Variants in TBC1D22A observed in about 807,000 individuals in gnomAD.
TBC1D22A encodes the protein TBC1 domain family member 22A, also known as putative GTPase activator.
TBC1D22A carries 38 observed loss-of-function variants against 60.2 expected under a neutral mutation model. The observed-to-expected ratio is 0.63, with a 90% CI of 0.49 to 0.83. The LOEUF is 0.83. Ranked by LOEUF, TBC1D22A falls within the 40% of genes least tolerant of loss-of-function variation. The pLI, the probability that TBC1D22A is intolerant of heterozygous loss-of-function variation, is 0.00. For missense variants in TBC1D22A, 628 were observed against 701.0 expected (o/e 0.90, Z 1.18); for synonymous variants, 302 against 281.7 (o/e 1.07, Z -0.72).
At chr22:46,835,810 AC>A (rs1306518520) in intron 4 of TBC1D22A, among the ~76,000 whole-genome samples, 6 of 152,232 alleles carry the variant, frequency 3.9e-5, no homozygotes, top group African/African-American at 1.4e-4. Flanking sequence ...AAAGTCAAAG[AC>A]AAACAGAATT....
At chr22:46,935,673 G>T (rs903301050) in intron 8 of TBC1D22A, among the ~76,000 whole-genome samples, 3 of 152,332 alleles carry the variant, frequency 2.0e-5, no homozygotes, top group African/African-American at 4.8e-5. Flanking sequence ...TGGGCCGTCT[G>T]TGGGCTGGAA....
At chr22:46,961,816 A>T (rs1434658863) in intron 8 of TBC1D22A, among the ~76,000 whole-genome samples, 1 of 152,196 alleles carries the variant, frequency 6.6e-6, no homozygotes, top group Admixed American at 6.5e-5. Flanking sequence ...GGCACAATTG[A>T]TGGCGTCACC....
intron 3 of TBC1D22A, among the ~76,000 whole-genome samples, chr22:46,794,850 G>A (rs1459693994): frequency 6.6e-6 from 1 of 152,178 alleles, no homozygotes; most frequent in African/African-American, 2.4e-5. Flanking sequence ...CAGCTGGATT[G>A]GCCACTGGCC....
intron 4 of TBC1D22A, among the ~76,000 whole-genome samples, chr22:46,824,543 A>G (rs745763827): frequency 6.6e-6 from 1 of 152,182 alleles, no homozygotes; most frequent in Non-Finnish European, 1.5e-5. Context: ...GAAGGAGGTC[A>G]CATTCCATGC....
chr22:47,080,723 C>G (rs967971568), intron 11 of TBC1D22A, among the ~76,000 whole-genome samples: 1 of 151,380 alleles, frequency 6.6e-6, no homozygotes, highest in Admixed American at 6.6e-5. Context: ...AAATTAAACC[C>G]AAAGGAAGTA....
At chr22:46,942,962 G>A (rs112845193) in intron 8 of TBC1D22A, among the ~76,000 whole-genome samples, 2 of 152,164 alleles carry the variant, frequency 1.3e-5, no homozygotes, top group East Asian at 3.9e-4. Context: ...GCTTGCACAC[G>A]GAGGTGCGTC....
At chr22:47,032,917 A>G (rs1445484115) in intron 10 of TBC1D22A, among the ~76,000 whole-genome samples, 1 of 152,192 alleles carries the variant, frequency 6.6e-6, no homozygotes, top group Non-Finnish European at 1.5e-5. Context: ...CTGCCGTCCC[A>G]GGCTGCCCTG....
intron 11 of TBC1D22A, among the ~76,000 whole-genome samples, chr22:47,098,413 C>T (rs1355537237): frequency 6.6e-6 from 1 of 152,200 alleles, no homozygotes; most frequent in Non-Finnish European, 1.5e-5. Flanking sequence ...TTCTGACACC[C>T]TGATGCTGCC....
At chr22:47,089,536 G>A (rs1363510493) in intron 11 of TBC1D22A, among the ~76,000 whole-genome samples, 2 of 152,208 alleles carry the variant, frequency 1.3e-5, no homozygotes, top group African/African-American at 4.8e-5. Context: ...AGACATGTGC[G>A]CACAAAGGCG....
At chr22:46,818,830 T>A (rs2085708515) in intron 4 of TBC1D22A, among the ~76,000 whole-genome samples, 1 of 152,222 alleles carries the variant, frequency 6.6e-6, no homozygotes, top group African/African-American at 2.4e-5. Context: ...TTGGGCAGTA[T>A]GGCCATTTTT....
intron 12 of TBC1D22A, among the ~76,000 whole-genome samples, chr22:47,147,206 A>G (rs989681917): frequency 3.9e-5 from 6 of 152,212 alleles, no homozygotes; most frequent in Admixed American, 6.5e-5. Context: ...CGCCACCTGC[A>G]GAGGGCTAAG....
chr22:47,151,556 C>T (rs1166584764), intron 12 of TBC1D22A, among the ~76,000 whole-genome samples: 1 of 152,214 alleles, frequency 6.6e-6, no homozygotes, highest in Non-Finnish European at 1.5e-5. Flanking sequence ...GGGAGAGGCT[C>T]TGGTACCTGG....
intron 9 of TBC1D22A, among the ~76,000 whole-genome samples, chr22:46,984,372 A>AT (rs2074636447): frequency 1.2e-5 from 1 of 84,732 alleles, no homozygotes; most frequent in East Asian, 2.6e-4. Flanking sequence ...ATCTCAAAAA[A>AT]AAAAAAAAAA....
At chr22:47,168,243 TCGG>T (rs2068281203) in intron 12 of TBC1D22A, among the ~76,000 whole-genome samples, 2 of 143,788 alleles carry the variant, frequency 1.4e-5, no homozygotes, top group African/African-American at 5.3e-5. Flanking sequence ...TGCTGTGGGC[TCGG>T]TTTTGGGGAT....
intron 12 of TBC1D22A, among the ~76,000 whole-genome samples, chr22:47,142,250 TCACCCACC>T (rs946361415): frequency 2.0e-5 from 2 of 99,058 alleles, no homozygotes; most frequent in Non-Finnish European, 4.1e-5. Context: ...ATCCATCCAT[TCACCCACC>T]CACCCACCCA....
intron 11 of TBC1D22A, among the ~76,000 whole-genome samples, chr22:47,062,496 C>G (rs558132605): frequency 6.6e-6 from 1 of 152,266 alleles, no homozygotes; most frequent in African/African-American, 2.4e-5. Context: ...CTGTTTTATT[C>G]CAGAATACGG....
chr22:46,855,322 C>G (rs951098548), intron 4 of TBC1D22A, among the ~76,000 whole-genome samples: 1 of 152,192 alleles, frequency 6.6e-6, no homozygotes, highest in South Asian at 2.1e-4. Context: ...TCTTTCTTGC[C>G]CATCTCACTA....
At chr22:47,110,206 A>G (rs924511877) in intron 11 of TBC1D22A, among the ~76,000 whole-genome samples, 2 of 152,154 alleles carry the variant, frequency 1.3e-5, no homozygotes, top group Admixed American at 6.5e-5. Context: ...CTGGCCAGGC[A>G]CGGTGGCTCA....
At chr22:46,894,879 G>A (rs777072069) in intron 7 of TBC1D22A, 33 bp downstream of exon 7, 13 of 1,612,638 alleles carry the variant, frequency 8.1e-6, no homozygotes, top group East Asian at 4.5e-5. Flanking sequence ...AGTTCCCCTC[G>A]TTGGGAGTGG....
Sources: allele counts gnomAD v4.1 joint callset (sites outside exome capture counted in the v4.1 genomes callset), GRCh38; gene constraint gnomAD v4.1.1; transcripts MANE v1.5; gene names NCBI Gene and HGNC (gene_info 2026-07-23, HGNC 2026-07-21).